ETV6: variants seen among roughly 807,000 people sequenced by gnomAD.
The protein encoded by ETV6 is ETS variant transcription factor 6.
ETV6 carries 16 observed loss-of-function variants against 51.1 expected under a neutral mutation model. That is an observed-to-expected ratio of 0.31 (90% CI 0.21 to 0.48). The LOEUF is 0.48. Among genes scored for constraint, ETV6 ranks in the 20% least tolerant of loss-of-function variants. The pLI, the probability that ETV6 is intolerant of heterozygous loss-of-function variation, is 0.99. For synonymous variants in ETV6, 240 were observed against 224.1 expected (o/e 1.07, Z -0.64); for missense variants, 458 against 594.8 (o/e 0.77, Z 2.39).
intron 1 of ETV6, among the ~76,000 whole-genome samples, chr12:11,719,088 C>T (rs965949539): frequency 6.6e-6 from 1 of 152,210 alleles, no homozygotes; most frequent in Non-Finnish European, 1.5e-5. Context: ...TTAATCAAAG[C>T]TGTTGAAGCT....
chr12:11,823,461 CT>C (rs1946110402), intron 2 of ETV6, among the ~76,000 whole-genome samples: 1 of 143,446 alleles, frequency 7.0e-6, no homozygotes. Flanking sequence ...CTAGAGAGTC[CT>C]TTTTTTCTTT....
rs80196610 is a variant in ETV6, at chr12:11,778,310, G to A, written c.163+25731G>A. Among the ~76,000 whole-genome samples, 661 of 152,322 alleles carry A rather than the reference G, an allele frequency of 4.3e-3. 6 individuals are homozygous for A. Among genetic ancestry groups the A allele is most frequent in the African/African-American group, 0.015 (627 of 41,562 alleles). ...TGGGCAGCCTGGCGAGCGCACACGC[G>A]TGTGCACACACACACACTCCTGTGT... On this transcript the variant is annotated intron_variant, in intron 2 of 7. Coordinates refer to ENST00000396373, the MANE Select transcript of ETV6 (RefSeq NM_001987.5).
chr12:11,834,515 A>G (rs550219104), intron 2 of ETV6, among the ~76,000 whole-genome samples: 1 of 152,356 alleles, frequency 6.6e-6, no homozygotes, highest in South Asian at 2.1e-4. Context: ...AGAGAATGCA[A>G]CAGACTTCAC....
At chr12:11,721,029 C>T (rs1185917897) in intron 1 of ETV6, among the ~76,000 whole-genome samples, 1 of 152,154 alleles carries the variant, frequency 6.6e-6, no homozygotes, top group Non-Finnish European at 1.5e-5. Flanking sequence ...TACTGTCTCA[C>T]ACCAGTCAGA....
intron 2 of ETV6, among the ~76,000 whole-genome samples, chr12:11,831,881 G>A (rs1212180053): frequency 6.6e-6 from 1 of 152,138 alleles, no homozygotes; most frequent in Non-Finnish European, 1.5e-5. Flanking sequence ...CACATACTAA[G>A]TTATTTCTTT....
Position 11,885,923 on chromosome 12 carries a change from C to G in ETV6, c.1153-3C>G, listed in dbSNP as rs750329786. ...TTTCTCCCTTCCTCCTTTGAACAAA[C>G]AGAACAGAACAAACATGACCTATGA... On this transcript the variant is annotated splice_polypyrimidine_tract_variant and splice_region_variant and intron_variant, in intron 6 of 7. Coordinates refer to ENST00000396373, the MANE Select transcript of ETV6 (RefSeq NM_001987.5). The G allele has an allele frequency of 6.2e-7, 1 of 1,608,016 alleles. No individual in the cohort carries two copies.
At chr12:11,887,160 C>T (rs1947203082) in intron 7 of ETV6, among the ~76,000 whole-genome samples, 1 of 152,158 alleles carries the variant, frequency 6.6e-6, no homozygotes, top group Admixed American at 6.6e-5. Flanking sequence ...AAAAAAAGAA[C>T]CCTCCATTCT....
At position 11,893,841 on chromosome 12, in the gene ETV6, T is replaced by TACAC. The variant is rs61009195; in HGVS notation, c.*2807_*2810dup. 109 of 57,314 alleles carry TACAC rather than the reference T, an allele frequency of 1.9e-3. 3 individuals are homozygous for TACAC. The highest frequency in any genetic ancestry group is 5.9e-3 in the African/African-American group (93 of 15,668). The allele number at this position is 57,314 out of a possible 1,614,324, so 3.6% of individuals were successfully genotyped here. On this transcript the variant is annotated 3_prime_UTR_variant, in exon 8 of 8. Coordinates refer to ENST00000396373, the MANE Select transcript of ETV6 (RefSeq NM_001987.5). The stretch of plus-strand genomic sequence containing the variant: ...ATATATATATATATATATATATATA[T>TACAC]ACACACACACACACATACACAAATA...
intron 2 of ETV6, among the ~76,000 whole-genome samples, chr12:11,801,635 A>AC (rs1565531512): frequency 6.6e-6 from 1 of 152,174 alleles, no homozygotes; most frequent in African/African-American, 2.4e-5. Flanking sequence ...CTTACGGTTT[A>AC]CCAGTTTTCA....
intron 1 of ETV6, among the ~76,000 whole-genome samples, chr12:11,738,546 A>T (rs1865752712): frequency 6.6e-6 from 1 of 151,440 alleles, no homozygotes; most frequent in Non-Finnish European, 1.5e-5. Flanking sequence ...GGCTCAAGTG[A>T]TCCTCCTGCC....
At chr12:11,653,767 G>C (rs1863949856) in intron 1 of ETV6, among the ~76,000 whole-genome samples, 1 of 152,090 alleles carries the variant, frequency 6.6e-6, no homozygotes, top group East Asian at 1.9e-4. Context: ...GCACTCCTGG[G>C]GGGTCTGTCC....
At chr12:11,855,427 T>C (rs1197241163) in intron 4 of ETV6, among the ~76,000 whole-genome samples, 1 of 152,208 alleles carries the variant, frequency 6.6e-6, no homozygotes, top group East Asian at 1.9e-4. Context: ...CTGCTCGGAT[T>C]GGTCAGACCA....
At chr12:11,719,561 A>G (rs889515825) in intron 1 of ETV6, among the ~76,000 whole-genome samples, 1 of 152,230 alleles carries the variant, frequency 6.6e-6, no homozygotes, top group Non-Finnish European at 1.5e-5. Context: ...AAAGCAAACC[A>G]GTTTGTAATT....
intron 2 of ETV6, among the ~76,000 whole-genome samples, chr12:11,767,226 G>C (rs1945174675): frequency 6.6e-6 from 1 of 152,202 alleles, no homozygotes; most frequent in African/African-American, 2.4e-5. Context: ...CCCAGCCTCA[G>C]TTTCCTTATC....
chr12:11,819,325 T>A (rs367577784), intron 2 of ETV6, among the ~76,000 whole-genome samples: 145 of 152,340 alleles, frequency 9.5e-4, no homozygotes, highest in African/African-American at 3.3e-3. Context: ...TCCTCTGACT[T>A]GTCCCCGGTC....
At chr12:11,766,485 G>T (rs561893524) in intron 2 of ETV6, among the ~76,000 whole-genome samples, 1 of 151,978 alleles carries the variant, frequency 6.6e-6, no homozygotes, top group African/African-American at 2.4e-5. Context: ...GATTATATCC[G>T]TCCCCCCACA....
intron 1 of ETV6, among the ~76,000 whole-genome samples, chr12:11,701,502 G>C (rs747264709): frequency 6.6e-6 from 1 of 152,212 alleles, no homozygotes; most frequent in Non-Finnish European, 1.5e-5. Context: ...GAGTTTAAGT[G>C]TTTTTAGTCT....
At chr12:11,665,258 C>A (rs777744406) in intron 1 of ETV6, among the ~76,000 whole-genome samples, 1 of 152,228 alleles carries the variant, frequency 6.6e-6, no homozygotes, top group Admixed American at 6.5e-5. Flanking sequence ...CTCGGCCTCC[C>A]AAAGTGCTGG....
intron 1 of ETV6, among the ~76,000 whole-genome samples, chr12:11,669,415 C>A (rs1864267113): frequency 6.8e-6 from 1 of 147,178 alleles, no homozygotes; most frequent in South Asian, 2.2e-4. Context: ...TCCTCCCTTC[C>A]TCCTTCCTTT....
Sources: gnomAD v4.1 joint callset for allele counts (sites outside exome capture counted in the v4.1 genomes callset) on GRCh38, gnomAD v4.1.1 for gene constraint, MANE v1.5 for transcripts, NCBI Gene and HGNC (gene_info 2026-07-23, HGNC 2026-07-21) for gene names.